The following DNAJC16 variants were observed in gnomAD, a reference collection of about 807,000 sequenced individuals.
DNAJC16 encodes DnaJ heat shock protein family (Hsp40) member C16, also known as dnaJ homolog subfamily C member 16.
Under a neutral mutation model 92.7 loss-of-function variants are expected in DNAJC16, and 76 were observed. The observed-to-expected ratio is 0.82, with a 90% CI of 0.68 to 0.99. The LOEUF is 0.99. Ranked by LOEUF, DNAJC16 falls within the 50% of genes least tolerant of loss-of-function variation. The pLI is 0.00. For synonymous variants in DNAJC16, 328 were observed against 358.7 expected (o/e 0.91, Z 0.97); for missense variants, 869 against 942.4 (o/e 0.92, Z 1.02).
intron 7 of DNAJC16, among the ~76,000 whole-genome samples, chr1:15,552,766 A>ATTTTT (rs1247280903): frequency 7.9e-6 from 1 of 125,920 alleles, no homozygotes. Flanking sequence ...TATTATTATT[A>ATTTTT]TTTATTTTTT....
intron 2 of DNAJC16, among the ~76,000 whole-genome samples, chr1:15,530,066 G>A (rs1710618797): frequency 6.6e-6 from 1 of 151,950 alleles, no homozygotes; most frequent in Non-Finnish European, 1.5e-5. Context: ...TATTTTGGTT[G>A]GTGGAATCCA....
intron 11 of DNAJC16, among the ~76,000 whole-genome samples, chr1:15,564,786 C>G (rs1194818950): frequency 2.0e-5 from 3 of 151,640 alleles, no homozygotes; most frequent in African/African-American, 7.3e-5. Flanking sequence ...GCCTCGGCCT[C>G]CCAAAGTGCT....
At chr1:15,530,334 T>C (rs1286148257) in intron 2 of DNAJC16, among the ~76,000 whole-genome samples, 3 of 125,970 alleles carry the variant, frequency 2.4e-5, no homozygotes, top group Admixed American at 2.3e-4. Context: ...GGCAACAGAG[T>C]GAGACCCGTC....
chr1:15,530,655 A>G (rs764833611), intron 2 of DNAJC16, among the ~76,000 whole-genome samples: 13 of 152,198 alleles, frequency 8.5e-5, no homozygotes, highest in Non-Finnish European at 1.8e-4. Context: ...TATCTCATTT[A>G]AACCTTATAA....
chr1:15,528,364 G>T (rs1234833194), intron 1 of DNAJC16, among the ~76,000 whole-genome samples: 1 of 152,150 alleles, frequency 6.6e-6, no homozygotes, highest in East Asian at 1.9e-4. Flanking sequence ...AACCTGGGAG[G>T]GGGAGGTTGC....
chr1:15,535,027 T>C (rs1710747777), intron 3 of DNAJC16, among the ~76,000 whole-genome samples: 2 of 152,242 alleles, frequency 1.3e-5, no homozygotes, highest in South Asian at 4.1e-4. Flanking sequence ...CAAAGAGAAT[T>C]CAGTGGCTTT....
At chr1:15,546,442 T>C (rs1319638254) in intron 5 of DNAJC16, among the ~76,000 whole-genome samples, 1 of 152,196 alleles carries the variant, frequency 6.6e-6, no homozygotes, top group African/African-American at 2.4e-5. Context: ...CAGTTGTGTG[T>C]TATTTTCTGC....
At chr1:15,561,664 C>T (rs1369851122) in intron 8 of DNAJC16, among the ~76,000 whole-genome samples, 2 of 151,956 alleles carry the variant, frequency 1.3e-5, no homozygotes, top group Non-Finnish European at 2.9e-5. Context: ...CCAGCCTGGG[C>T]GACAGAGCAA....
rs1425077197 is a variant in DNAJC16, at chr1:15,539,350, G to A, written c.574+2536G>A. Among the ~76,000 whole-genome samples the A allele has an allele frequency of 3.3e-5, 5 of 151,442 alleles. No individual in the cohort carries two copies. The East Asian group carries it at 5.8e-4, about 18-fold the overall frequency. Reference sequence around the variant, plus strand: ...AAGCTCCGCCTCCCAGGTTCACACCGTTCTCCTGCCTCAGCCTCCCTAGTA... The same window carrying A: ...AAGCTCCGCCTCCCAGGTTCACACCATTCTCCTGCCTCAGCCTCCCTAGTA... On this transcript the variant is annotated intron_variant, in intron 4 of 14. Transcript: ENST00000375847.
Position 15,544,540 on chromosome 1 carries a change from G to C in DNAJC16, c.716G>C (p.Arg239Pro). The C allele has an allele frequency of 8.1e-6, 13 of 1,614,118 alleles. No individual in the cohort carries two copies. The highest frequency in any genetic ancestry group is 1.1e-5 in the Non-Finnish European group (13 of 1,180,018). The change falls in exon 5 of 15, where the codon CGA becomes CCA. Residue 239 changes from arginine to proline, a missense_variant. Arg to Pro is a moderately radical substitution (Grantham distance 103, BLOSUM62 -2). Transcript: ENST00000375847. ...AATGCAGTTGTCCGTGAAAATCTGCGACAATTTGTAGAAAGTCTTCTTCCA... is the reference window on the plus strand; with the variant it reads ...AATGCAGTTGTCCGTGAAAATCTGCCACAATTTGTAGAAAGTCTTCTTCCA... ...FHNAVVRENL[R>P]QFVESLLPGN...
intron 9 of DNAJC16, among the ~76,000 whole-genome samples, chr1:15,563,642 A>G (rs1195820228): frequency 1.4e-5 from 2 of 143,584 alleles, no homozygotes; most frequent in African/African-American, 2.6e-5. Flanking sequence ...CCTGGCTAGC[A>G]TGGTGAAACC....
chr1:15,567,105 TC>T lies in DNAJC16; in HGVS notation c.1787del (p.Pro596LeufsTer8). 1 of 1,606,964 alleles carries T rather than the reference TC, an allele frequency of 6.2e-7. No individual in the cohort carries two copies. The highest frequency in any genetic ancestry group is 8.5e-7 in the Non-Finnish European group (1 of 1,173,904). ...SFTKENSSKI[P>X]KKGFVEVTEL... ...CCTCAATATTTCTCCACAGCAAGATTCCTAAAAAAGGCTTTGTGGAGGTAAC... is the reference window on the plus strand; with the variant it reads ...CCTCAATATTTCTCCACAGCAAGATTCTAAAAAAGGCTTTGTGGAGGTAAC... On this transcript the variant is annotated frameshift_variant, in exon 14 of 15. Coordinates refer to ENST00000375847, the MANE Select transcript of DNAJC16 (RefSeq NM_015291.4). LOFTEE classifies it high-confidence loss of function.
intron 1 of DNAJC16, among the ~76,000 whole-genome samples, chr1:15,527,835 C>T (rs190454169): frequency 1.3e-5 from 2 of 152,210 alleles, no homozygotes; most frequent in East Asian, 3.9e-4. Context: ...GACACTTGAA[C>T]CTTAAAACTG....
At chr1:15,563,847 CAAAA>C (rs71002909) in intron 9 of DNAJC16, 78 bp from the exon 10 acceptor site, 1,386 of 1,097,716 alleles carry the variant, frequency 1.3e-3, no homozygotes, top group East Asian at 2.5e-3. Context: ...AAGACTCCGT[CAAAA>C]AAAAAAAAAA....
chr1:15,567,800 T>C lies in DNAJC16; in HGVS notation c.1972T>C (p.Phe658Leu). 1 of 1,614,026 alleles carries C rather than the reference T, an allele frequency of 6.2e-7. No individual in the cohort carries two copies. The highest frequency in any genetic ancestry group is 8.5e-7 in the Non-Finnish European group (1 of 1,179,928). Residue 658 changes from phenylalanine to leucine, a missense_variant, in exon 15 of 15, where the codon TTC (phenylalanine) becomes CTC (leucine). Transcript: ENST00000375847. The stretch of plus-strand genomic sequence containing the variant: ...CAGGAGCAGCTGCCTACACTTCTCC[T>C]TCCTGAGTCTAGATAAACACAGAGA... Reference protein sequence around the residue: ...FTGSSCLHFSFLSLDKHREWL... With the variant: ...FTGSSCLHFSLLSLDKHREWL...
rs137907781 is a variant in DNAJC16 at position 15,558,533 on chromosome 1, T to G, written c.1024-993T>G. On this transcript the variant is annotated intron_variant, in intron 7 of 14. Coordinates refer to ENST00000375847, the MANE Select transcript of DNAJC16 (RefSeq NM_015291.4). ...TTTTTGTAGAGATGGGATCTCTCCA[T>G]GTTGCACAGGCTGGTCTCTAACTCT... Among the ~76,000 whole-genome samples, 424 of 152,236 alleles carry G rather than the reference T, an allele frequency of 2.8e-3. 3 individuals are homozygous for G. Among genetic ancestry groups the G allele is most frequent in the African/African-American group, 9.4e-3 (392 of 41,528 alleles).
chr1:15,527,120 A>AG (rs1371804239), intron 1 of DNAJC16, among the ~76,000 whole-genome samples, 162 bp downstream of exon 1: 1 of 151,512 alleles, frequency 6.6e-6, no homozygotes, highest in Non-Finnish European at 1.5e-5. Flanking sequence ...GCGGCGGGGG[A>AG]GGGGGCTGTC....
At chr1:15,541,196 G>A (rs1710923626) in intron 4 of DNAJC16, among the ~76,000 whole-genome samples, 1 of 152,200 alleles carries the variant, frequency 6.6e-6, no homozygotes, top group African/African-American at 2.4e-5. Context: ...CTTGTAGCCA[G>A]TTGACCTCCC....
chr1:15,542,387 A>G, intron 4 of DNAJC16: 1 of 152,326 alleles, frequency 6.6e-6, no homozygotes, highest in Non-Finnish European at 1.5e-5. Flanking sequence ...GAACACATGG[A>G]GGTGCCTGGA....
Sources: allele counts gnomAD v4.1 joint callset (sites outside exome capture counted in the v4.1 genomes callset), GRCh38; gene constraint gnomAD v4.1.1; transcripts MANE v1.5; gene names NCBI Gene and HGNC (gene_info 2026-07-23, HGNC 2026-07-21).